The following MELK variants were observed in gnomAD, a reference collection of about 807,000 sequenced individuals.
MELK encodes the protein maternal embryonic leucine zipper kinase.
In MELK, 81 loss-of-function variants were observed where a neutral mutation model predicts 85.0. The ratio of observed to expected loss-of-function variants is 0.95; its 90% CI spans 0.80 to 1.15. MELK has a LOEUF of 1.15. Ranked by LOEUF, MELK falls within the 50% of genes most tolerant of loss-of-function variation. The pLI, the probability that MELK is intolerant of heterozygous loss-of-function variation, is 0.00. For synonymous variants in MELK, 252 were observed against 265.0 expected (o/e 0.95, Z 0.48); for missense variants, 754 against 777.5 (o/e 0.97, Z 0.36).
chr9:36,653,093 AT>A (rs1830873440), intron 12 of MELK, among the ~76,000 whole-genome samples: 1 of 152,106 alleles, frequency 6.6e-6, no homozygotes, highest in Non-Finnish European at 1.5e-5. Context: ...TAACCAAATT[AT>A]TTTTCTCTAC....
At chr9:36,616,071 C>T (rs956917423) in intron 8 of MELK, among the ~76,000 whole-genome samples, 5 of 152,178 alleles carry the variant, frequency 3.3e-5, no homozygotes, top group Admixed American at 3.3e-4. Context: ...CCGGGCGGCG[C>T]TCGCCGGCGC....
intron 6 of MELK, 43 bp downstream of exon 6, chr9:36,597,333 A>G: frequency 2.6e-6 from 4 of 1,526,482 alleles, no homozygotes; most frequent in Non-Finnish European, 2.7e-6. Context: ...TTGTAAATGC[A>G]TTTATTTCTT....
At chr9:36,592,851 A>G (rs1823767880) in intron 4 of MELK, among the ~76,000 whole-genome samples, 1 of 151,446 alleles carries the variant, frequency 6.6e-6, no homozygotes, top group Non-Finnish European at 1.5e-5. Flanking sequence ...GCAGTTTGAC[A>G]AATGTATATA....
chr9:36,581,299 C>T (rs1320112279), intron 1 of MELK, among the ~76,000 whole-genome samples: 2 of 151,950 alleles, frequency 1.3e-5, no homozygotes, highest in East Asian at 1.9e-4. Flanking sequence ...TGACAACACA[C>T]GCACCACTGT....
rs1833453546 is a variant in MELK at position 36,677,544 on chromosome 9, G to A, written c.*207G>A. On this transcript the variant is annotated 3_prime_UTR_variant, in exon 18 of 18. Transcript: ENST00000298048. ...CAAGCCCATCTGTCATTATGTTACT[G>A]TCTTTTTTAATCATGTGGTTTTGTA... The A allele has an allele frequency of 7.3e-6, 3 of 410,054 alleles. No homozygotes were observed. Among genetic ancestry groups the A allele is most frequent in the Admixed American group, 4.5e-5 (1 of 22,460 alleles). The allele number at this position is 410,054 out of a possible 1,614,324, so 25.4% of individuals were successfully genotyped here.
At chr9:36,635,262 T>C (rs1050956027) in intron 10 of MELK, among the ~76,000 whole-genome samples, 2 of 148,546 alleles carry the variant, frequency 1.3e-5, no homozygotes, top group Admixed American at 1.3e-4. Flanking sequence ...ATTTATTTAA[T>C]TTTAATTTTT....
chr9:36,623,495 C>T (rs984662881), intron 8 of MELK, among the ~76,000 whole-genome samples: 1 of 152,146 alleles, frequency 6.6e-6, no homozygotes, highest in African/African-American at 2.4e-5. Context: ...GAGTCACAGG[C>T]CTTATGACCC....
chr9:36,577,701 G>C (rs561873031), intron 1 of MELK, among the ~76,000 whole-genome samples: 17 of 152,148 alleles, frequency 1.1e-4, no homozygotes, highest in African/African-American at 3.9e-4. Context: ...ACCCAGGCTG[G>C]AGTGCAGTGG....
intron 7 of MELK, among the ~76,000 whole-genome samples, chr9:36,605,200 G>A (rs892032885): frequency 2.6e-4 from 39 of 151,830 alleles, no homozygotes; most frequent in African/African-American, 9.2e-4. Context: ...TCTTTCCTGT[G>A]CAACCTCTTT....
At chr9:36,647,072 G>A (rs1432032368) in intron 11 of MELK, among the ~76,000 whole-genome samples, 1 of 152,156 alleles carries the variant, frequency 6.6e-6, no homozygotes, top group East Asian at 1.9e-4. Flanking sequence ...ACTCTCCTGT[G>A]CATCTTATAA....
chr9:36,677,023 T>G (rs1387051327), intron 17 of MELK, 137 bp from the exon 18 acceptor site: 1 of 682,424 alleles, frequency 1.5e-6, no homozygotes. Context: ...CTAGGTCATT[T>G]GGAAACTGTA....
chr9:36,654,349 C>A, intron 12 of MELK, among the ~76,000 whole-genome samples: 1 of 84,150 alleles, frequency 1.2e-5, no homozygotes, highest in African/African-American at 4.5e-5. Context: ...ATTGGATTGT[C>A]TTTTTTTTTT....
At chr9:36,618,207 A>G (rs573719977) in intron 8 of MELK, among the ~76,000 whole-genome samples, 1 of 152,064 alleles carries the variant, frequency 6.6e-6, no homozygotes, top group East Asian at 1.9e-4. Flanking sequence ...ACTTGAGGCC[A>G]GGAGTAGCCT....
intron 4 of MELK, among the ~76,000 whole-genome samples, chr9:36,593,564 G>A (rs770912442): frequency 5.3e-5 from 8 of 152,152 alleles, no homozygotes; most frequent in East Asian, 3.8e-4. Flanking sequence ...ATTACCCAGC[G>A]TAAGGTATTT....
chr9:36,596,242 T>C (rs995251019), intron 5 of MELK, among the ~76,000 whole-genome samples: 5 of 152,092 alleles, frequency 3.3e-5, no homozygotes, highest in Non-Finnish European at 4.4e-5. Context: ...AAGGAGAAAA[T>C]AGGAGAAAAT....
At chr9:36,587,274 T>A (rs1365937403) in intron 3 of MELK, among the ~76,000 whole-genome samples, 1 of 151,998 alleles carries the variant, frequency 6.6e-6, no homozygotes, top group African/African-American at 2.4e-5. Flanking sequence ...TAGTCCTGGA[T>A]AACTGGGTCC....
At position 36,614,425 on chromosome 9, in the gene MELK, GT is replaced by G. The variant is rs58332948; in HGVS notation, c.666+6770del. On this transcript the variant is annotated intron_variant, in intron 8 of 17. Coordinates refer to ENST00000298048, the MANE Select transcript of MELK (RefSeq NM_014791.4). ...GTCTTTTTTAAAAAATTATTTTTGG[GT>G]TTTTTTTTTTTTTTTTTAATTTATT... 2.5e-3 allele frequency among the ~76,000 whole-genome samples: 294 copies of G among 118,988 alleles called. 1 individual carries two copies. Among genetic ancestry groups the G allele is most frequent in the East Asian group, 0.011 (46 of 4,322 alleles). 78.1% of individuals were successfully genotyped at this position (118,988 alleles called of 152,430 possible).
chr9:36,657,042 AGCCTAGGTGTG>A (rs1831320485), intron 12 of MELK, among the ~76,000 whole-genome samples, 188 bp from the exon 13 acceptor site: 1 of 152,240 alleles, frequency 6.6e-6, no homozygotes, highest in Non-Finnish European at 1.5e-5. Context: ...TATAACGTAC[AGCCTAGGTGTG>A]GCCTAGGTGT....
chr9:36,667,952 A>G (rs1832541615), intron 14 of MELK, among the ~76,000 whole-genome samples: 1 of 151,978 alleles, frequency 6.6e-6, no homozygotes. Flanking sequence ...TATTTTTAGT[A>G]GAGATGGGGT....
Sources: gnomAD v4.1 joint callset for allele counts (sites outside exome capture counted in the v4.1 genomes callset) on GRCh38, gnomAD v4.1.1 for gene constraint, MANE v1.5 for transcripts, NCBI Gene and HGNC (gene_info 2026-07-23, HGNC 2026-07-21) for gene names.